Variants in GABRA2 observed in about 807,000 individuals in gnomAD.
The protein encoded by GABRA2 is gamma-aminobutyric acid receptor subunit alpha-2.
In GABRA2, 16 loss-of-function variants were observed where a neutral mutation model predicts 48.7. The observed-to-expected ratio is 0.33, with a 90% CI of 0.22 to 0.50. GABRA2 has a LOEUF of 0.50. Ranked by LOEUF, GABRA2 falls within the 20% of genes least tolerant of loss-of-function variation. The pLI is 0.98. For missense variants in GABRA2, 275 were observed against 535.6 expected, an observed-to-expected ratio of 0.51 and a Z score of 4.80; for synonymous variants, 185 against 184.5, an observed-to-expected ratio of 1.00 and a Z score of -0.02.
intron 9 of GABRA2, among the ~76,000 whole-genome samples, chr4:46,258,986 G>A (rs1189079166): frequency 6.6e-6 from 1 of 151,856 alleles, no homozygotes; most frequent in African/African-American, 2.4e-5. Context: ...AGAAGCTGAG[G>A]ATGTGGGAAG....
intron 3 of GABRA2, among the ~76,000 whole-genome samples, chr4:46,351,576 C>T (rs180700607): frequency 5.5e-4 from 84 of 151,774 alleles, no homozygotes; most frequent in African/African-American, 2.0e-3. Flanking sequence ...AGTAGAGAGA[C>T]AAGAAATATA....
chr4:46,280,297 A>G (rs1721285489), intron 8 of GABRA2, among the ~76,000 whole-genome samples: 1 of 152,122 alleles, frequency 6.6e-6, no homozygotes, highest in African/African-American at 2.4e-5. Context: ...TGAGGAGGTG[A>G]AGGAGTGAAC....
At chr4:46,340,621 T>C (rs1387371200) in intron 3 of GABRA2, among the ~76,000 whole-genome samples, 1 of 152,050 alleles carries the variant, frequency 6.6e-6, no homozygotes, top group Non-Finnish European at 1.5e-5. Flanking sequence ...TATTTTCATG[T>C]GTTAAAGCAA....
intron 8 of GABRA2, among the ~76,000 whole-genome samples, chr4:46,272,192 C>T (rs1447363266): frequency 2.6e-5 from 4 of 151,872 alleles, no homozygotes; most frequent in African/African-American, 7.3e-5. Context: ...TGATGCACAT[C>T]TTTGATATAT....
intron 4 of GABRA2, among the ~76,000 whole-genome samples, chr4:46,325,039 T>C (rs751472528): frequency 2.0e-5 from 3 of 151,990 alleles, no homozygotes; most frequent in Non-Finnish European, 2.9e-5. Flanking sequence ...ACATAGTTCA[T>C]ATGTCTTTTT....
chr4:46,311,464 AT>A (rs1463727620), intron 5 of GABRA2, among the ~76,000 whole-genome samples: 4 of 152,194 alleles, frequency 2.6e-5, no homozygotes, highest in African/African-American at 9.6e-5. Flanking sequence ...TTTATGAAAC[AT>A]TTTAACTTTA....
At chr4:46,318,178 A>G (rs1728866249) in intron 4 of GABRA2, among the ~76,000 whole-genome samples, 1 of 151,414 alleles carries the variant, frequency 6.6e-6, no homozygotes, top group Admixed American at 6.6e-5. Context: ...TTAAACATTA[A>G]TTACTAGAAA....
At chr4:46,332,418 CATAGGGCTA>C (rs1286775404) in intron 4 of GABRA2, among the ~76,000 whole-genome samples, 188 bp downstream of exon 4, 1 of 152,060 alleles carries the variant, frequency 6.6e-6, no homozygotes, top group Non-Finnish European at 1.5e-5. Context: ...ACGTAAAATA[CATAGGGCTA>C]ATCCAAACAC....
chr4:46,388,105 A>G (rs1193585252), intron 2 of GABRA2, among the ~76,000 whole-genome samples: 3 of 152,170 alleles, frequency 2.0e-5, no homozygotes, highest in Admixed American at 2.0e-4. Flanking sequence ...TGATTAATAA[A>G]TCTAGCTTTT....
At chr4:46,265,458 AAT>A (rs1208615134) in intron 8 of GABRA2, among the ~76,000 whole-genome samples, 14 of 131,514 alleles carry the variant, frequency 1.1e-4, no homozygotes, top group South Asian at 5.0e-4. Flanking sequence ...GTATATATAT[AAT>A]ATATATATAA....
intron 3 of GABRA2, chr4:46,367,012 C>T (rs1218275194): frequency 6.6e-6 from 1 of 152,032 alleles, no homozygotes; most frequent in Admixed American, 6.6e-5. Flanking sequence ...TTCATGATCA[C>T]TGCTCAGATG....
At chr4:46,336,495 C>T (rs902376379) in intron 3 of GABRA2, among the ~76,000 whole-genome samples, 3 of 152,130 alleles carry the variant, frequency 2.0e-5, no homozygotes, top group Non-Finnish European at 4.4e-5. Context: ...CAGAAATATC[C>T]ACCAGCCAAA....
intron 3 of GABRA2, among the ~76,000 whole-genome samples, chr4:46,346,963 C>A (rs1045612865): frequency 2.6e-5 from 4 of 151,832 alleles, no homozygotes; most frequent in Non-Finnish European, 4.4e-5. Flanking sequence ...AAATCAGTAG[C>A]ATTTCTATAT....
intron 3 of GABRA2, among the ~76,000 whole-genome samples, chr4:46,340,807 T>A (rs1332876793): frequency 6.6e-6 from 1 of 152,024 alleles, no homozygotes; most frequent in African/African-American, 2.4e-5. Flanking sequence ...CTAACCATTA[T>A]TTCTTTAAAT....
chr4:46,258,052 A>G (rs1334410016), intron 9 of GABRA2, among the ~76,000 whole-genome samples: 1 of 151,788 alleles, frequency 6.6e-6, no homozygotes, highest in African/African-American at 2.4e-5. Flanking sequence ...ATTCAGGTAG[A>G]AATATTCCAG....
chr4:46,321,222 T>A (rs182076529), intron 4 of GABRA2, among the ~76,000 whole-genome samples: 1 of 152,028 alleles, frequency 6.6e-6, no homozygotes, highest in African/African-American at 2.4e-5. Flanking sequence ...TGTTGGCAGT[T>A]ACTGCGGTGG....
chr4:46,304,167 T>C (rs181303694), intron 7 of GABRA2, among the ~76,000 whole-genome samples: 7 of 152,318 alleles, frequency 4.6e-5, no homozygotes, highest in South Asian at 2.1e-4. Context: ...TTATTTTACT[T>C]GGTTAGGCCC....
At chr4:46,364,074 A>G (rs1198703163) in intron 3 of GABRA2, 1 of 152,180 alleles carries the variant, frequency 6.6e-6, no homozygotes, top group African/African-American at 2.4e-5. Flanking sequence ...GCATGTTATC[A>G]TCTTCATGAA....
intron 4 of GABRA2, among the ~76,000 whole-genome samples, chr4:46,324,090 T>A (rs1560528562): frequency 6.6e-6 from 1 of 151,964 alleles, no homozygotes; most frequent in Non-Finnish European, 1.5e-5. Flanking sequence ...CCACTCTTTC[T>A]CTATTTCCTC....
Sources: gnomAD v4.1 joint callset for allele counts (sites outside exome capture counted in the v4.1 genomes callset) on GRCh38, gnomAD v4.1.1 for gene constraint, MANE v1.5 for transcripts, NCBI Gene and HGNC (gene_info 2026-07-23, HGNC 2026-07-21) for gene names.